Variants in NDC80 observed in about 807,000 individuals in gnomAD.
NDC80 encodes the protein kinetochore protein NDC80 homolog.
Under a neutral mutation model 89.3 loss-of-function variants are expected in NDC80, and 69 were observed. The observed-to-expected ratio is 0.77, with a 90% CI of 0.64 to 0.94. NDC80 has a LOEUF of 0.94. NDC80 is among the 40% of genes least tolerant of loss of function. The pLI, the probability that NDC80 is intolerant of heterozygous loss-of-function variation, is 0.00. For missense variants in NDC80, 593 were observed against 739.6 expected (o/e 0.80, Z 2.30); for synonymous variants, 243 against 255.6 (o/e 0.95, Z 0.47).
chr18:2,610,233 A>T (rs1296037288), intron 15 of NDC80, among the ~76,000 whole-genome samples: 1 of 152,234 alleles, frequency 6.6e-6, no homozygotes, highest in Non-Finnish European at 1.5e-5. Context: ...TGTAAAATAT[A>T]CATTTTTTAA....
At chr18:2,595,656 A>T (rs1029686543) in intron 11 of NDC80, 35 bp downstream of exon 11, 1 of 1,580,070 alleles carries the variant, frequency 6.3e-7, no homozygotes, top group Non-Finnish European at 8.7e-7. Flanking sequence ...GCAACTCATC[A>T]TAGCTGACCT....
chr18:2,604,793 G>T (rs575639174), intron 13 of NDC80, among the ~76,000 whole-genome samples: 1 of 152,302 alleles, frequency 6.6e-6, no homozygotes, highest in East Asian at 1.9e-4. Flanking sequence ...TTGCCTTACT[G>T]GTTGAATTTT....
At chr18:2,593,885 C>CTTATT (rs759692339) in intron 10 of NDC80, 38 of 243,152 alleles carry the variant, frequency 1.6e-4, no homozygotes, top group Admixed American at 1.3e-3. Context: ...TTGAAGCTAG[C>CTTATT]TTATTTTATT....
chr18:2,606,732 C>G (rs950644124), intron 14 of NDC80, among the ~76,000 whole-genome samples: 6 of 152,002 alleles, frequency 3.9e-5, no homozygotes, highest in Admixed American at 3.9e-4. Context: ...AGAAAAGGAA[C>G]ATTTACTTTT....
At chr18:2,596,812 G>A (rs1479379979) in intron 11 of NDC80, among the ~76,000 whole-genome samples, 2 of 151,260 alleles carry the variant, frequency 1.3e-5, no homozygotes, top group African/African-American at 2.4e-5. Flanking sequence ...TTAAGAAAAT[G>A]TGGCACATAT....
At chr18:2,573,607 C>T (rs535029407) in intron 2 of NDC80, among the ~76,000 whole-genome samples, 1 of 152,278 alleles carries the variant, frequency 6.6e-6, no homozygotes, top group South Asian at 2.1e-4. Context: ...GAGTGATTAT[C>T]TTCCAGATAA....
Position 2,578,940 on chromosome 18 carries a change from C to G in NDC80, c.490C>G (p.Leu164Val). The change falls in exon 6 of 17, where the codon CTA becomes GTA. Residue 164 changes from leucine (L) to valine (V), a missense_variant. Physicochemically the swap from Leu to Val is conservative, Grantham distance 32 (BLOSUM62 1). Transcript: ENST00000261597. ...GATTTCTCATAGGTATCCTTTTGCA[C>G]TATCCAAAAGCTCCATGTACACAGT... ...IFKDLGYPFA[L>V]SKSSMYTVGA... The G allele has an allele frequency of 1.3e-6, 2 of 1,526,372 alleles. No individual in the cohort carries two copies. The highest frequency in any genetic ancestry group is 8.8e-7 in the Non-Finnish European group (1 of 1,138,386). The allele number at this position is 1,526,372 out of a possible 1,614,324, so 94.6% of individuals were successfully genotyped here. A position where few individuals can be genotyped will look rare whatever the true frequency, so the allele number is the denominator to read the frequency against.
intron 6 of NDC80, chr18:2,582,728 T>G (rs563106251): frequency 3.3e-5 from 5 of 152,360 alleles, no homozygotes; most frequent in Non-Finnish European, 7.4e-5. Flanking sequence ...CTTGTTATCT[T>G]GACCTATTGA....
rs927970536 is a variant in NDC80 at position 2,606,400 on chromosome 18, G to T, written c.1465-15G>T. 6.4e-7 allele frequency: 1 copy of T among 1,568,084 alleles called. No individual in the cohort carries two copies. Among genetic ancestry groups the T allele is most frequent in the Non-Finnish European group, 8.7e-7 (1 of 1,154,844 alleles). ...GTATAGTTATGATTTCTCAACCAAA[G>T]TTTTATTTCCCCAGTTGAATGCAAT... is the stretch of plus-strand genomic sequence containing the variant. On this transcript the variant is annotated splice_polypyrimidine_tract_variant and intron_variant, in intron 13 of 16. Transcript: ENST00000261597.
chr18:2,578,179 C>T, intron 5 of NDC80, 38 bp downstream of exon 5: 1 of 1,541,576 alleles, frequency 6.5e-7, no homozygotes, highest in Non-Finnish European at 8.8e-7. Flanking sequence ...ACATGACTGG[C>T]ACACAGAGAT....
chr18:2,603,799 G>C (rs2072696729), intron 13 of NDC80, among the ~76,000 whole-genome samples: 1 of 152,086 alleles, frequency 6.6e-6, no homozygotes, highest in South Asian at 2.1e-4. Flanking sequence ...AGAAACCAAA[G>C]TGAAAAAGAG....
At position 2,578,962 on chromosome 18, in the gene NDC80, C is replaced by A; in HGVS notation, c.512C>A (p.Thr171Lys). Residue 171 changes from threonine to lysine, a missense_variant, in exon 6 of 17, where the codon ACA becomes AAA. Physicochemically the swap from Thr to Lys is moderately conservative, Grantham distance 78 (BLOSUM62 -1). Coordinates refer to ENST00000261597, the MANE Select transcript of NDC80 (RefSeq NM_006101.3). ...PFALSKSSMY[T>K]VGAPHTWPHI... Reference sequence around the variant, plus strand: ...GCACTATCCAAAAGCTCCATGTACACAGTGGGGGCTCCTCATACATGGCCT... The same window carrying A: ...GCACTATCCAAAAGCTCCATGTACAAAGTGGGGGCTCCTCATACATGGCCT... The A allele has an allele frequency of 6.4e-7, 1 of 1,568,232 alleles. No homozygotes were observed. The highest frequency in any genetic ancestry group is 8.6e-7 in the Non-Finnish European group (1 of 1,157,886).
intron 7 of NDC80, 125 bp downstream of exon 7, chr18:2,585,327 C>G: frequency 1.4e-6 from 1 of 713,388 alleles, no homozygotes; most frequent in South Asian, 2.1e-5. Context: ...GTGAAAATAT[C>G]ATGTCAAAAA....
In NDC80 at chr18:2,577,820, C is replaced by G. The variant is rs1209867193; in HGVS notation, c.254C>G (p.Pro85Arg). 8 of 1,614,076 alleles carry G rather than the reference C, an allele frequency of 5.0e-6. No individual in the cohort carries two copies. The highest frequency in any genetic ancestry group is 6.8e-6 in the Non-Finnish European group (8 of 1,179,986). The change falls in exon 4 of 17, where the codon CCA becomes CGA. Residue 85 changes from proline to arginine, a missense_variant. Physicochemically the swap from Pro to Arg is moderately radical, Grantham distance 103. Transcript: ENST00000261597. ...TCTGAGAAAATCAAGGACCCGAGAC[C>G]ACTTAATGACAAAGCATTCATTCAG... ...SSSEKIKDPR[P>R]LNDKAFIQQC...
In NDC80 at chr18:2,590,129, T is replaced by C; in HGVS notation, c.982T>C (p.Leu328=). The C allele has an allele frequency of 6.2e-7, 1 of 1,609,992 alleles. No homozygotes were observed. Among genetic ancestry groups the C allele is most frequent in the Middle Eastern group, 1.7e-4 (1 of 6,046 alleles). The change falls in exon 10 of 17, where the codon TTA becomes CTA. Residue 328 remains leucine (L), a synonymous_variant. Coordinates refer to ENST00000261597, the MANE Select transcript of NDC80 (RefSeq NM_006101.3). The stretch of plus-strand genomic sequence containing the variant: ...TCATTCAGCCATTCTTGACCAGAAA[T>C]TAAATGGTCTCAATGAGGAAATTGC... ...ESHSAILDQK[L]NGLNEEIARV... is the part of the protein sequence containing the mutation.
At chr18:2,587,579 T>C (rs537152774) in intron 7 of NDC80, among the ~76,000 whole-genome samples, 115 of 152,346 alleles carry the variant, frequency 7.5e-4, no homozygotes, top group African/African-American at 2.5e-3. Flanking sequence ...TATGGCTGTT[T>C]TTAAATATTG....
intron 16 of NDC80, 27 bp from the exon 17 acceptor site, chr18:2,616,410 T>C: frequency 7.2e-7 from 1 of 1,393,816 alleles, no homozygotes; most frequent in Non-Finnish European, 9.7e-7. Flanking sequence ...TTTTTTTACT[T>C]TAACAATTGT....
chr18:2,603,911 G>C (rs1254921909), intron 13 of NDC80, among the ~76,000 whole-genome samples: 8 of 152,068 alleles, frequency 5.3e-5, no homozygotes. Context: ...TTATCATAGA[G>C]CATAAAGAGA....
chr18:2,573,029 C>G lies in NDC80; in HGVS notation c.44C>G (p.Ser15Cys), dbSNP rs751325174. The G allele has an allele frequency of 1.9e-6, 3 of 1,613,982 alleles. No individual in the cohort carries two copies. The highest frequency in any genetic ancestry group is 2.5e-6 in the Non-Finnish European group (3 of 1,180,012). ...SVSSGGAGRL[S>C]MQELRSQDVN... ...TCCAGCGGTGGTGCTGGCCGCCTCT[C>G]CATGCAGGAGTTAAGATCCCAGGAT... Residue 15 changes from serine (S) to cysteine (C), a missense_variant, in exon 2 of 17, where the codon TCC becomes TGC. Coordinates refer to ENST00000261597, the MANE Select transcript of NDC80 (RefSeq NM_006101.3).
Sources: gnomAD v4.1 joint callset for allele counts (sites outside exome capture counted in the v4.1 genomes callset) on GRCh38, gnomAD v4.1.1 for gene constraint, MANE v1.5 for transcripts, NCBI Gene and HGNC (gene_info 2026-07-23, HGNC 2026-07-21) for gene names.